CLPTM1: variants seen among roughly 807,000 people sequenced by gnomAD.
CLPTM1 encodes CLPTM1 regulator of GABA type A receptor forward trafficking, also known as putative lipid scramblase CLPTM1.
In CLPTM1, 21 loss-of-function variants were observed where a neutral mutation model predicts 77.3. That is an observed-to-expected ratio of 0.27 (90% CI 0.19 to 0.39). CLPTM1 has a LOEUF of 0.39. Among genes scored for constraint, CLPTM1 ranks in the 10% least tolerant of loss-of-function variants. CLPTM1 has a pLI of 1.00. For synonymous variants in CLPTM1, 373 were observed against 381.0 expected, an observed-to-expected ratio of 0.98 and a Z score of 0.24; for missense variants, 642 against 921.2, an observed-to-expected ratio of 0.70 and a Z score of 3.92.
intron 5 of CLPTM1, 109 bp from the exon 6 acceptor site, chr19:44,985,109 T>G: frequency 1.4e-6 from 1 of 716,452 alleles, no homozygotes; most frequent in Non-Finnish European, 2.5e-6. Context: ...GAGTGCAAGG[T>G]GGATGCCAGG....
rs1971048799 is a variant in CLPTM1, at chr19:44,990,301, G to C, written c.1133-94G>C. On this transcript the variant is annotated intron_variant, in intron 9 of 13. Coordinates refer to ENST00000337392, the MANE Select transcript of CLPTM1 (RefSeq NM_001294.4). The surrounding 1 kb of genome is among the most constrained non-coding windows in gnomAD (Gnocchi z 4.8). Reference sequence around the variant, plus strand: ...CCTGAGGACCCAGCCCCACCCCAGGGTGTGAGGATGCAGGCCAAGGGGGCC... The same window carrying C: ...CCTGAGGACCCAGCCCCACCCCAGGCTGTGAGGATGCAGGCCAAGGGGGCC... 1 of 1,325,296 alleles carries C rather than the reference G, an allele frequency of 7.5e-7. No individual in the cohort carries two copies. The highest frequency in any genetic ancestry group is 1.9e-5 in the Admixed American group (1 of 52,748). 82.1% of individuals were successfully genotyped at this position (1,325,296 alleles called of 1,614,324 possible).
rs766553149 is a variant in CLPTM1 at position 44,977,476 on chromosome 19, G to A, written c.586+16G>A. ...ATGTCCCGGAGTAAGTCGCTCCCCT[G>A]CAGCCAGGACCCACTGTCCAGGAGG... On this transcript the variant is annotated intron_variant, in intron 5 of 13. Transcript: ENST00000337392. The A allele has an allele frequency of 1.9e-6, 3 of 1,574,060 alleles. No homozygotes were observed. The African/African-American group carries it at 4.0e-5, about 21-fold the overall frequency.
rs371697771 is a variant in CLPTM1 at position 44,987,124 on chromosome 19, G to A, written c.794-55G>A. The A allele has an allele frequency of 4.2e-4, 652 of 1,569,318 alleles. 1 individual carries two copies. The African/African-American group carries it at 6.9e-3, about 17-fold the overall frequency. ...GTCTCTCCAGACATCTGAGGCCTGC[G>A]GGTACCCTGGCCTCCTGCCCGGGCC... On this transcript the variant is annotated intron_variant, in intron 7 of 13. Coordinates refer to ENST00000337392, the MANE Select transcript of CLPTM1 (RefSeq NM_001294.4).
At chr19:44,967,933 C>T (rs1210592522) in intron 2 of CLPTM1, among the ~76,000 whole-genome samples, 1 of 152,196 alleles carries the variant, frequency 6.6e-6, no homozygotes, top group Non-Finnish European at 1.5e-5. Flanking sequence ...TTCAGATTTT[C>T]TTATATATCA....
intron 7 of CLPTM1, 156 bp downstream of exon 7, chr19:44,986,731 C>T (rs941397897): frequency 4.2e-6 from 4 of 947,490 alleles, no homozygotes; most frequent in East Asian, 5.4e-5. Flanking sequence ...CCCATGTCCT[C>T]TCCCTCTCCC....
At chr19:44,959,321 A>G (rs1055688789) in intron 1 of CLPTM1, among the ~76,000 whole-genome samples, 5 of 151,346 alleles carry the variant, frequency 3.3e-5, no homozygotes, top group African/African-American at 1.2e-4. Context: ...TGGCCTCCCA[A>G]AGTGCTAGGA....
At chr19:44,989,733 G>A (rs1971039351) in intron 9 of CLPTM1, among the ~76,000 whole-genome samples, 3 of 152,130 alleles carry the variant, frequency 2.0e-5, no homozygotes, top group African/African-American at 4.8e-5. Context: ...CTGTGGCTGC[G>A]GTTAGATGCT....
Position 44,955,464 on chromosome 19 carries a change from T to A in CLPTM1, c.69T>A (p.Gly23=). Reference sequence around the variant, plus strand: ...TGGCGGCCGGGGGAGGCAGCTCCGGTCAGGTACGGAGGCCGAGAGGGGACT... The same window carrying A: ...TGGCGGCCGGGGGAGGCAGCTCCGGACAGGTACGGAGGCCGAGAGGGGACT... The part of the protein sequence containing the change: ...AVVAAGGGSS[G]QVTSNGSIGR... The change falls in exon 1 of 14, where the codon GGT becomes GGA. Residue 23 remains glycine (G), a synonymous_variant. Transcript: ENST00000337392. The A allele has an allele frequency of 7.5e-7, 1 of 1,325,670 alleles. No homozygotes were observed. Among genetic ancestry groups the A allele is most frequent in the Non-Finnish European group, 9.6e-7 (1 of 1,039,166 alleles). 82.1% of individuals were successfully genotyped at this position (1,325,670 alleles called of 1,614,324 possible).
At chr19:44,957,109 C>A (rs936696560) in intron 1 of CLPTM1, among the ~76,000 whole-genome samples, 24 of 152,196 alleles carry the variant, frequency 1.6e-4, no homozygotes, top group Admixed American at 1.2e-3. Context: ...CAAAGCCATC[C>A]CTGCGTGAGA....
intron 5 of CLPTM1, among the ~76,000 whole-genome samples, chr19:44,982,946 G>A (rs1051851852): frequency 6.6e-5 from 10 of 151,740 alleles, no homozygotes; most frequent in African/African-American, 1.9e-4. Flanking sequence ...CTGTAATCCC[G>A]GCTACTCGGG....
intron 2 of CLPTM1, among the ~76,000 whole-genome samples, chr19:44,972,171 T>C (rs1970729015): frequency 6.6e-6 from 1 of 151,932 alleles, no homozygotes. Flanking sequence ...TCTATACTTC[T>C]TAAGTTATTT....
intron 5 of CLPTM1, among the ~76,000 whole-genome samples, chr19:44,980,173 C>T (rs912861588): frequency 2.4e-4 from 36 of 152,078 alleles, no homozygotes; most frequent in African/African-American, 6.5e-4. Flanking sequence ...TTGGAGTGAG[C>T]CACCCACAAA....
chr19:44,988,043 G>C (rs901650566), intron 8 of CLPTM1, 37 bp from the exon 9 acceptor site: 1 of 1,487,952 alleles, frequency 6.7e-7, no homozygotes, highest in East Asian at 2.3e-5. Flanking sequence ...GGTGCTCCTG[G>C]GTGGGGACAG....
chr19:44,976,661 T>C (rs1444317301), intron 4 of CLPTM1, among the ~76,000 whole-genome samples: 1 of 152,118 alleles, frequency 6.6e-6, no homozygotes, highest in Admixed American at 6.5e-5. Flanking sequence ...CAAGTGAGAA[T>C]AGTCCCCCTT....
Position 44,991,498 on chromosome 19 carries a change from G to A in CLPTM1, c.1555+125G>A, listed in dbSNP as rs1409335517. The A allele has an allele frequency of 1.5e-5, 18 of 1,173,950 alleles. No homozygotes were observed. In the East Asian group the frequency reaches 3.7e-4, roughly 24 times the overall value. 72.7% of individuals were successfully genotyped at this position (1,173,950 alleles called of 1,614,324 possible). ...TAGGGTGGGCAGAGCTGGGATATAG[G>A]GAGGCCCGAGGGCACACATGGCCCC... On this transcript the variant is annotated intron_variant, in intron 12 of 13. Coordinates refer to ENST00000337392, the MANE Select transcript of CLPTM1 (RefSeq NM_001294.4). This position sits in a 1 kb window ranked among gnomAD's most constrained non-coding sequence, Gnocchi z 5.4.
In CLPTM1 at chr19:44,990,938, A is replaced by G. The variant is rs1971063733; in HGVS notation, c.1412A>G (p.Tyr471Cys). The change falls in exon 11 of 14, where the codon TAT becomes TGT. Residue 471 changes from tyrosine to cysteine, a missense_variant. Tyr to Cys is a radical substitution (Grantham distance 194, BLOSUM62 -2). This residue lies in a region of CLPTM1 where 521 missense variants were observed against 800.4 expected (regional missense o/e 0.65). Transcript: ENST00000337392. This position sits in a 1 kb window ranked among gnomAD's most constrained non-coding sequence, Gnocchi z 4.8. ...TATATCGAGTCCTCGACCAAAGTGT[A>G]TGATGATGTGAGTGTCCTGCACAGT... ...STYIESSTKV[Y>C]DDMAFRYLSW... 6.2e-7 allele frequency: 1 copy of G among 1,612,110 alleles called. No individual in the cohort carries two copies. Among genetic ancestry groups the G allele is most frequent in the Non-Finnish European group, 8.5e-7 (1 of 1,178,342 alleles).
upstream of CLPTM1, chr19:44,955,239 T>C (rs1970440139): frequency 3.3e-6 from 5 of 1,501,422 alleles, no homozygotes; most frequent in East Asian, 7.4e-5. Context: ...GGTCCTTCCA[T>C]AGCCGGAAGT....
In CLPTM1 at chr19:44,991,508, G is replaced by A. The variant is rs563201606; in HGVS notation, c.1555+135G>A. The A allele has an allele frequency of 9.8e-7, 1 of 1,016,210 alleles. No individual in the cohort carries two copies. Among genetic ancestry groups the A allele is most frequent in the Non-Finnish European group, 1.4e-6 (1 of 696,308 alleles). 62.9% of individuals were successfully genotyped at this position (1,016,210 alleles called of 1,614,324 possible). On this transcript the variant is annotated intron_variant, in intron 12 of 13. Coordinates refer to ENST00000337392, the MANE Select transcript of CLPTM1 (RefSeq NM_001294.4). The surrounding 1 kb of genome is among the most constrained non-coding windows in gnomAD (Gnocchi z 5.4). ...AGAGCTGGGATATAGGGAGGCCCGAGGGCACACATGGCCCCATCTGGGGTC... is the reference window on the plus strand; with the variant it reads ...AGAGCTGGGATATAGGGAGGCCCGAAGGCACACATGGCCCCATCTGGGGTC...
chr19:44,975,591 G>A (rs1168964336), intron 4 of CLPTM1, among the ~76,000 whole-genome samples: 1 of 151,276 alleles, frequency 6.6e-6, no homozygotes, highest in African/African-American at 2.4e-5. Flanking sequence ...TTGAGACAGC[G>A]TCTCGCTCTG....
Sources: gnomAD v4.1 joint callset for allele counts (sites outside exome capture counted in the v4.1 genomes callset) on GRCh38, gnomAD v4.1.1 for gene constraint, gnomAD v4.1.1 regional missense constraint, Gnocchi (gnomAD v3.1) non-coding constraint, MANE v1.5 for transcripts, NCBI Gene and HGNC (gene_info 2026-07-23, HGNC 2026-07-21) for gene names.